GPR158: variants seen among roughly 807,000 people sequenced by gnomAD.
GPR158 encodes the protein metabotropic glycine receptor.
GPR158 carries 30 observed loss-of-function variants against 78.2 expected under a neutral mutation model. That is an observed-to-expected ratio of 0.38 (90% CI 0.29 to 0.52). GPR158 has a LOEUF of 0.52. GPR158 is among the 20% of genes least tolerant of loss of function. GPR158 has a pLI of 0.83. For missense variants in GPR158, 1,463 were observed against 1,523.5 expected, an observed-to-expected ratio of 0.96 and a Z score of 0.66; for synonymous variants, 581 against 591.1, an observed-to-expected ratio of 0.98 and a Z score of 0.25.
intron 2 of GPR158, among the ~76,000 whole-genome samples, chr10:25,389,278 G>C (rs1834261640): frequency 6.6e-6 from 1 of 152,176 alleles, no homozygotes; most frequent in Non-Finnish European, 1.5e-5. Flanking sequence ...GACTCAAGGA[G>C]ATGATGGGAC....
intron 4 of GPR158, among the ~76,000 whole-genome samples, chr10:25,426,780 T>A (rs965808291): frequency 1.4e-5 from 2 of 143,558 alleles, no homozygotes; most frequent in African/African-American, 5.1e-5. Context: ...AGACGAGAAG[T>A]GAGCACATGC....
At chr10:25,277,989 T>C (rs576865495) in intron 2 of GPR158, among the ~76,000 whole-genome samples, 67 of 152,262 alleles carry the variant, frequency 4.4e-4, no homozygotes, top group Admixed American at 1.8e-3. Context: ...TAGTGTCTAA[T>C]TGAGGCAAGT....
chr10:25,182,172 A>G (rs1041011994), intron 1 of GPR158, among the ~76,000 whole-genome samples: 26 of 152,242 alleles, frequency 1.7e-4, no homozygotes, highest in African/African-American at 6.3e-4. Context: ...CTATCAATGT[A>G]CAATGAGTTA....
intron 4 of GPR158, among the ~76,000 whole-genome samples, chr10:25,457,674 TGAG>T (rs1484235396): frequency 6.6e-6 from 1 of 152,190 alleles, no homozygotes; most frequent in Non-Finnish European, 1.5e-5. Flanking sequence ...GTCTGAAAGA[TGAG>T]GAGAAGGCTG....
chr10:25,369,133 T>C (rs1833951859), intron 2 of GPR158, among the ~76,000 whole-genome samples: 1 of 151,784 alleles, frequency 6.6e-6, no homozygotes, highest in Non-Finnish European at 1.5e-5. Flanking sequence ...TTTGTCTTCC[T>C]CTTTTCCTAA....
At chr10:25,517,013 C>T (rs1280821328) in intron 5 of GPR158, among the ~76,000 whole-genome samples, 13 of 150,434 alleles carry the variant, frequency 8.6e-5, no homozygotes, top group African/African-American at 1.5e-4. Context: ...GCATGGAATG[C>T]TCTTCCATTT....
At chr10:25,416,719 A>G (rs1290015299) in intron 4 of GPR158, among the ~76,000 whole-genome samples, 3 of 152,136 alleles carry the variant, frequency 2.0e-5, no homozygotes, top group Non-Finnish European at 4.4e-5. Flanking sequence ...GAATGGAGAA[A>G]CCTCTCATTT....
In GPR158 at chr10:25,454,233, A is replaced by G. The variant is rs368379292; in HGVS notation, c.1336-12418A>G. 6.5e-4 allele frequency among the ~76,000 whole-genome samples: 16 copies of G among 24,634 alleles called. No individual in the cohort carries two copies. The East Asian group carries it at 0.12, about 185-fold the overall frequency. The allele number at this position is 24,634 out of a possible 152,430, so 16.2% of individuals were successfully genotyped here. On this transcript the variant is annotated intron_variant, in intron 4 of 10. Transcript: ENST00000376351. ...TTTTTAGATAGTTTGTTGTTGATGT[A>G]TAGAGGCACAACTGATTTTTGTATG... is the stretch of plus-strand genomic sequence containing the variant.
chr10:25,319,415 A>G (rs1854912907), intron 2 of GPR158, among the ~76,000 whole-genome samples: 1 of 152,294 alleles, frequency 6.6e-6, no homozygotes, highest in East Asian at 1.9e-4. Flanking sequence ...ATCTAACACA[A>G]TGTCTTCTAC....
intron 2 of GPR158, among the ~76,000 whole-genome samples, chr10:25,271,371 C>T (rs150050567): frequency 2.0e-4 from 30 of 152,258 alleles, no homozygotes; most frequent in African/African-American, 6.7e-4. Context: ...GTCTGTTCTA[C>T]CCCCAATTTT....
At chr10:25,396,964 A>C (rs1484400074) in intron 3 of GPR158, among the ~76,000 whole-genome samples, 1 of 152,092 alleles carries the variant, frequency 6.6e-6, no homozygotes, top group East Asian at 1.9e-4. Context: ...AGTTCCTAAA[A>C]GTTCCCTCAA....
rs116155566 is a variant in GPR158, at chr10:25,316,549, T to C, written c.1009-79362T>C. 6.0e-3 allele frequency among the ~76,000 whole-genome samples: 918 copies of C among 152,318 alleles called. 8 individuals carry two copies. The highest frequency in any genetic ancestry group is 0.02 in the African/African-American group (849 of 41,572). Reference sequence around the variant, plus strand: ...CAATTTCTCACACCTTAGAATCAAATTGGACAGTGTCTGTTCTACATTGAT... The same window carrying C: ...CAATTTCTCACACCTTAGAATCAAACTGGACAGTGTCTGTTCTACATTGAT... On this transcript the variant is annotated intron_variant, in intron 2 of 10. Transcript: ENST00000376351.
chr10:25,407,413 T>G (rs1834529078), intron 3 of GPR158, among the ~76,000 whole-genome samples: 1 of 152,176 alleles, frequency 6.6e-6, no homozygotes, highest in African/African-American at 2.4e-5. Context: ...TATTATCTAG[T>G]CTTGTGGCTC....
chr10:25,428,629 T>C (rs2130571784), intron 4 of GPR158, among the ~76,000 whole-genome samples: 1 of 152,180 alleles, frequency 6.6e-6, no homozygotes, highest in South Asian at 2.1e-4. Context: ...ATTTTTAATA[T>C]CCTATGTGTA....
intron 6 of GPR158, among the ~76,000 whole-genome samples, chr10:25,557,468 C>T (rs971951376): frequency 6.6e-6 from 1 of 152,184 alleles, no homozygotes; most frequent in African/African-American, 2.4e-5. Flanking sequence ...AAGAGTCACT[C>T]TTTAATTGTA....
chr10:25,583,031 C>T (rs1221690822), intron 7 of GPR158, among the ~76,000 whole-genome samples: 1 of 152,168 alleles, frequency 6.6e-6, no homozygotes, highest in African/African-American at 2.4e-5. Flanking sequence ...TGGTCAGGAA[C>T]TAAGAGACTC....
chr10:25,578,743 C>T (rs920941745), intron 7 of GPR158, among the ~76,000 whole-genome samples: 11 of 152,136 alleles, frequency 7.2e-5, no homozygotes, highest in Non-Finnish European at 1.5e-4. Flanking sequence ...CACGGTGGCT[C>T]ACACCTGTAA....
At chr10:25,355,092 C>T (rs978500348) in intron 2 of GPR158, among the ~76,000 whole-genome samples, 4 of 152,006 alleles carry the variant, frequency 2.6e-5, no homozygotes, top group East Asian at 1.9e-4. Context: ...GGATATTAAT[C>T]CCTTTCCCAA....
At chr10:25,594,172 G>A (rs1837373224) in intron 8 of GPR158, 120 bp from the exon 9 acceptor site, 3 of 635,168 alleles carry the variant, frequency 4.7e-6, no homozygotes, top group Non-Finnish European at 8.4e-6. Flanking sequence ...CATAGAAATA[G>A]TAATACAATT....
Sources: allele counts gnomAD v4.1 joint callset (sites outside exome capture counted in the v4.1 genomes callset), GRCh38; gene constraint gnomAD v4.1.1; transcripts MANE v1.5; gene names NCBI Gene and HGNC (gene_info 2026-07-23, HGNC 2026-07-21).